XKR6: variants seen among roughly 807,000 people sequenced by gnomAD.
XKR6 encodes XK-related protein 6.
A neutral mutation model predicts 56.7 loss-of-function variants in XKR6; 22 were observed. The observed-to-expected ratio is 0.39, with a 90% confidence interval of 0.28 to 0.55. The LOEUF (loss-of-function observed/expected upper bound fraction) is 0.55. Among genes scored for constraint, XKR6 ranks in the 20% least tolerant of loss-of-function variants. The probability of loss-of-function intolerance (pLI) is 0.66; values close to 1 mark genes in which losing one functional copy is unlikely to be tolerated. For synonymous variants in XKR6, 524 were observed against 387.8 expected (o/e 1.35, Z -4.13); for missense variants, 852 against 889.0 (o/e 0.96, Z 0.53).
In XKR6 at chr8:10,977,881, C is replaced by T. The variant is rs1802613641; in HGVS notation, c.765-53051G>A. Reference sequence around the variant, plus strand: ...GCTAATTTTTGAAAAAGTGTGGACCCTCAATAAATGGCAGCCGTTATCTTG... The same window carrying T: ...GCTAATTTTTGAAAAAGTGTGGACCTTCAATAAATGGCAGCCGTTATCTTG... On this transcript the variant is annotated intron_variant, in intron 1 of 2. Transcript: ENST00000416569. 3.9e-5 allele frequency among the ~76,000 whole-genome samples: 6 copies of T among 152,010 alleles called. No homozygotes were observed. The South Asian group carries it at 1.3e-3, about 32-fold the overall frequency.
intron 1 of XKR6, among the ~76,000 whole-genome samples, chr8:11,046,736 G>A (rs963850422): frequency 3.3e-5 from 5 of 152,158 alleles, no homozygotes; most frequent in African/African-American, 1.2e-4. Flanking sequence ...GCCATCCATG[G>A]ATGAATAGAC....
chr8:11,031,971 T>C (rs1799003725), intron 1 of XKR6, among the ~76,000 whole-genome samples: 1 of 152,200 alleles, frequency 6.6e-6, no homozygotes, highest in Non-Finnish European at 1.5e-5. Flanking sequence ...AGGCAGCCTC[T>C]GCCTAGCCAC....
At chr8:10,928,163 G>T (rs910715869) in intron 1 of XKR6, among the ~76,000 whole-genome samples, 1 of 152,214 alleles carries the variant, frequency 6.6e-6, no homozygotes, top group Non-Finnish European at 1.5e-5. Context: ...GTGCCAGAAC[G>T]CAAGCCACTG....
At chr8:11,154,023 G>A (rs1188346430) in intron 1 of XKR6, among the ~76,000 whole-genome samples, 2 of 152,218 alleles carry the variant, frequency 1.3e-5, no homozygotes, top group Non-Finnish European at 2.9e-5. Flanking sequence ...AAAAGCCTAG[G>A]TGGGTAGGAA....
At chr8:11,060,934 A>G (rs1172310714) in intron 1 of XKR6, among the ~76,000 whole-genome samples, 1 of 152,142 alleles carries the variant, frequency 6.6e-6, no homozygotes, top group Non-Finnish European at 1.5e-5. Flanking sequence ...CCCTATCCCC[A>G]TTTTACAGAT....
intron 1 of XKR6, among the ~76,000 whole-genome samples, chr8:11,168,714 A>G (rs1432955684): frequency 6.6e-6 from 1 of 152,232 alleles, no homozygotes; most frequent in Non-Finnish European, 1.5e-5. Flanking sequence ...TTAGGTAGTT[A>G]GGGTAGGTCC....
Position 11,002,104 on chromosome 8 carries a change from G to T in XKR6, c.765-77274C>A, listed in dbSNP as rs373388099. On this transcript the variant is annotated intron_variant, in intron 1 of 2. Transcript: ENST00000416569. ...AAACACACAAAAAACCTCCTTCCAG[G>T]TCCCTGCCAAGAAAGTGCAAATGCT... 6.6e-5 allele frequency among the ~76,000 whole-genome samples: 10 copies of T among 150,834 alleles called. No individual in the cohort carries two copies. The South Asian group carries it at 2.1e-3, about 32-fold the overall frequency.
intron 1 of XKR6, among the ~76,000 whole-genome samples, chr8:11,136,179 T>C (rs951832430): frequency 3.9e-5 from 6 of 152,212 alleles, no homozygotes; most frequent in African/African-American, 1.4e-4. Context: ...AGGACTTACA[T>C]GCTGGTTTCC....
intron 1 of XKR6, chr8:11,137,905 A>C (rs559917317): frequency 5.3e-5 from 19 of 356,452 alleles, no homozygotes; most frequent in African/African-American, 4.1e-4. Context: ...ACTTAGGTCC[A>C]AAATCCTATT....
intron 1 of XKR6, among the ~76,000 whole-genome samples, chr8:11,180,259 G>A (rs936685883): frequency 6.6e-6 from 1 of 152,250 alleles, no homozygotes; most frequent in African/African-American, 2.4e-5. Flanking sequence ...TTTCACAGAA[G>A]AGGTAACAAG....
chr8:10,914,971 C>G (rs1439057869), intron 2 of XKR6, among the ~76,000 whole-genome samples: 1 of 152,224 alleles, frequency 6.6e-6, no homozygotes, highest in East Asian at 1.9e-4. Context: ...GCCGCCTCCC[C>G]TCCTGCACAT....
chr8:10,994,146 C>G (rs993457842), intron 1 of XKR6, among the ~76,000 whole-genome samples: 1 of 152,226 alleles, frequency 6.6e-6, no homozygotes, highest in Non-Finnish European at 1.5e-5. Context: ...AAGAACCCAC[C>G]ATGCAATTGG....
At chr8:11,178,554 A>ATATATATATATATG (rs1554479882) in intron 1 of XKR6, among the ~76,000 whole-genome samples, 55 of 124,432 alleles carry the variant, frequency 4.4e-4, no homozygotes, top group East Asian at 8.3e-4. Flanking sequence ...AAAAATATAT[A>ATATATATATATATG]TATATATATA....
intron 2 of XKR6, among the ~76,000 whole-genome samples, chr8:10,905,750 A>T (rs761242798): frequency 3.3e-5 from 5 of 152,038 alleles, no homozygotes; most frequent in Non-Finnish European, 7.4e-5. Flanking sequence ...TTTTTCCCAC[A>T]ATGAGTCCTT....
rs570771626 is a variant in XKR6, at chr8:11,108,240, T to C, written c.764+92336A>G. The C allele has an allele frequency of 5.3e-4, 241 of 453,950 alleles. 5 individuals are homozygous for C. Among genetic ancestry groups the C allele is most frequent in the South Asian group, 3.7e-3 (237 of 63,644 alleles). The allele number at this position is 453,950 out of a possible 1,614,324, so 28.1% of individuals were successfully genotyped here. A position where few individuals can be genotyped will look rare whatever the true frequency, so the allele number is the denominator to read the frequency against. On this transcript the variant is annotated intron_variant, in intron 1 of 2. Coordinates refer to ENST00000416569, the MANE Select transcript of XKR6 (RefSeq NM_173683.4). ...CAGAAATAACCATACAATTGTAAAA[T>C]CTGTAAGGAATAAGGAAGGAATTAT...
intron 1 of XKR6, among the ~76,000 whole-genome samples, chr8:11,118,544 T>C (rs1433764512): frequency 2.0e-5 from 3 of 152,254 alleles, no homozygotes; most frequent in East Asian, 1.9e-4. Flanking sequence ...TGGGAGAGTG[T>C]ATGTGTCAAG....
intron 1 of XKR6, among the ~76,000 whole-genome samples, chr8:11,070,303 T>TA (rs1218840275): frequency 1.3e-5 from 2 of 152,110 alleles, no homozygotes; most frequent in African/African-American, 4.8e-5. Context: ...GAGGTTTAGG[T>TA]AAAAGAGAGA....
intron 1 of XKR6, among the ~76,000 whole-genome samples, chr8:10,976,777 CTG>C (rs1384905934): frequency 2.2e-4 from 30 of 134,214 alleles, no homozygotes; most frequent in African/African-American, 8.0e-4. Flanking sequence ...CTCTCTCTCT[CTG>C]TCTCTCTCTC....
At chr8:10,979,266 G>T (rs143504424) in intron 1 of XKR6, among the ~76,000 whole-genome samples, 1 of 151,952 alleles carries the variant, frequency 6.6e-6, no homozygotes, top group Non-Finnish European at 1.5e-5. Flanking sequence ...AGGGCCCAGC[G>T]AACTCAATAG....
Sources: allele counts gnomAD v4.1 joint callset (sites outside exome capture counted in the v4.1 genomes callset), GRCh38; gene constraint gnomAD v4.1.1; transcripts MANE v1.5; gene names NCBI Gene and HGNC (gene_info 2026-07-23, HGNC 2026-07-21).